Variants in BTD observed in about 807,000 individuals in gnomAD.
BTD encodes biotinidase, also known as biocytinase.
Under a neutral mutation model 17.7 loss-of-function variants are expected in BTD, and 13 were observed. The observed-to-expected ratio is 0.74, with a 90% CI of 0.48 to 1.17. BTD has a LOEUF of 1.17. Ranked by LOEUF, BTD falls within the 50% of genes most tolerant of loss-of-function variation. The pLI is 0.00. For missense variants in BTD, 674 were observed against 650.4 expected (o/e 1.04, Z -0.39); for synonymous variants, 240 against 245.2 (o/e 0.98, Z 0.20).
At chr3:15,688,611 A>T (rs2068425783) in intron 3 of BTD, among the ~76,000 whole-genome samples, 1 of 152,218 alleles carries the variant, frequency 6.6e-6, no homozygotes, top group African/African-American at 2.4e-5. Flanking sequence ...TGGGAGTAAC[A>T]GTGGGTGTTA....
chr3:15,684,043 C>T (rs1010701714), intron 3 of BTD: 3 of 152,032 alleles, frequency 2.0e-5, no homozygotes, highest in African/African-American at 7.2e-5. Context: ...TCATAATTAA[C>T]ATTAATCTTG....
At chr3:15,702,316 T>C (rs1165412208) in intron 3 of BTD, among the ~76,000 whole-genome samples, 17 of 152,150 alleles carry the variant, frequency 1.1e-4, no homozygotes. Flanking sequence ...AATCACAAAA[T>C]TGCTTGATCT....
intron 3 of BTD, chr3:15,685,163 A>G (rs1451691352): frequency 6.4e-7 from 1 of 1,565,810 alleles, no homozygotes; most frequent in African/African-American, 1.4e-5. Flanking sequence ...TGCCTTATAA[A>G]TATGTCATTC....
chr3:15,650,478 T>C lies in BTD; in HGVS notation c.*4990T>C, dbSNP rs564005611. Among the ~76,000 whole-genome samples, 19 of 152,178 alleles carry C rather than the reference T, an allele frequency of 1.2e-4. No individual in the cohort carries two copies. The highest frequency in any genetic ancestry group is 3.9e-4 in the African/African-American group (16 of 41,530). ...TATATTAACTCGTAACTGGGGAGTC[T>C]AAGAATAAATTCTCTTCAGCCATTG... On this transcript the variant is annotated 3_prime_UTR_variant, in exon 4 of 4. Transcript: ENST00000643237.
In BTD at chr3:15,601,838, C is replaced by A; in HGVS notation, c.-73C>A. 1 of 1,614,168 alleles carries A rather than the reference C, an allele frequency of 6.2e-7. No homozygotes were observed. The highest frequency in any genetic ancestry group is 1.3e-5 in the African/African-American group (1 of 75,060). On this transcript the variant is annotated 5_prime_UTR_variant, in exon 1 of 4. In the 5' UTR this introduces an upstream ATG that the reference lacks. Transcript: ENST00000643237. ...TCGGCCAGCTGGAGCGTTTTCGGGGCTGTAAAGGGAGAATGGCGCATGCGC... is the reference window on the plus strand; with the variant it reads ...TCGGCCAGCTGGAGCGTTTTCGGGGATGTAAAGGGAGAATGGCGCATGCGC...
rs980577733 is a variant in BTD at position 15,650,968 on chromosome 3, C to T, written c.*5480C>T. ...GTATTTTTATAGAGACAGGGTTTCA[C>T]CATGTTAGCCAGGATGGCCTCGATC... On this transcript the variant is annotated 3_prime_UTR_variant, in exon 4 of 4. Transcript: ENST00000643237. Among the ~76,000 whole-genome samples, 15 of 152,174 alleles carry T rather than the reference C, an allele frequency of 9.9e-5. No individual in the cohort carries two copies. Among genetic ancestry groups the T allele is most frequent in the Non-Finnish European group, 1.8e-4 (12 of 68,032 alleles).
In BTD at chr3:15,652,051, G is replaced by A. The variant is rs111650912; in HGVS notation, c.*6563G>A. On this transcript the variant is annotated 3_prime_UTR_variant, in exon 4 of 4. Coordinates refer to ENST00000643237, the MANE Select transcript of BTD (RefSeq NM_001370658.1). ...TGGGTTATAAAAGGTACTGCAGACC[G>A]GGCACGGTGGCTTACGCCTGTAATC... Among the ~76,000 whole-genome samples the A allele has an allele frequency of 3.3e-4, 50 of 152,338 alleles. 1 individual carries two copies. Among genetic ancestry groups the A allele is most frequent in the Admixed American group, 1.0e-3 (16 of 15,298 alleles).
Position 15,651,642 on chromosome 3 carries a change from C to T in BTD, c.*6154C>T, listed in dbSNP as rs1449709704. 6.6e-6 allele frequency among the ~76,000 whole-genome samples: 1 copy of T among 152,194 alleles called. No individual in the cohort carries two copies. Among genetic ancestry groups the T allele is most frequent in the African/African-American group, 2.4e-5 (1 of 41,442 alleles). ...TCCTCTCTCTTCTCCGCTCCTGACT[C>T]CTGCTGCGGCCTCCCACTGGCTGGA... On this transcript the variant is annotated 3_prime_UTR_variant, in exon 4 of 4. Transcript: ENST00000643237.
At chr3:15,680,833 A>C (rs992909978) in intron 3 of BTD, among the ~76,000 whole-genome samples, 3 of 151,940 alleles carry the variant, frequency 2.0e-5, no homozygotes, top group African/African-American at 7.3e-5. Flanking sequence ...CACCTGGCTA[A>C]TTTTTTGATA....
intron 1 of BTD, among the ~76,000 whole-genome samples, chr3:15,617,273 C>T (rs1157666644): frequency 6.6e-6 from 1 of 152,114 alleles, no homozygotes; most frequent in Admixed American, 6.5e-5. Context: ...TTCTTCTGTT[C>T]TTGATAGTTT....
rs912886531 is a variant in BTD at position 15,651,938 on chromosome 3, C to T, written c.*6450C>T. 2.6e-5 allele frequency among the ~76,000 whole-genome samples: 4 copies of T among 152,172 alleles called. No individual in the cohort carries two copies. The highest frequency in any genetic ancestry group is 7.2e-5 in the African/African-American group (3 of 41,444). Reference sequence around the variant, plus strand: ...CCAGTGCTCCCCACCTGCTGGTATCCGTTGTACAACACTTCCCACATTTTT... The same window carrying T: ...CCAGTGCTCCCCACCTGCTGGTATCTGTTGTACAACACTTCCCACATTTTT... On this transcript the variant is annotated 3_prime_UTR_variant, in exon 4 of 4. Transcript: ENST00000643237.
exon 4 of BTD, chr3:15,712,086 A>C: frequency 7.1e-7 from 1 of 1,400,348 alleles, no homozygotes. Flanking sequence ...AGACCATCTA[A>C]AAATTTTGAG....
At position 15,601,761 on chromosome 3, in the gene BTD, T is replaced by C; in HGVS notation, c.-150T>C. 6.2e-7 allele frequency: 1 copy of C among 1,605,016 alleles called. No individual in the cohort carries two copies. Among genetic ancestry groups the C allele is most frequent in the Non-Finnish European group, 8.5e-7 (1 of 1,175,438 alleles). On this transcript the variant is annotated 5_prime_UTR_variant, in exon 1 of 4. An upstream start codon of the reference 5' UTR is lost. Coordinates refer to ENST00000643237, the MANE Select transcript of BTD (RefSeq NM_001370658.1). ...GGGACTAGCAGGAGATTGCTGCCTA[T>C]GCAAAGCAGGTAAGAAGCCGAACTC...
chr3:15,663,722 TAG>T (rs1015739630), intron 3 of BTD, among the ~76,000 whole-genome samples: 4 of 152,294 alleles, frequency 2.6e-5, no homozygotes, highest in African/African-American at 9.6e-5. Context: ...TTAGCTTGGC[TAG>T]AGTTTTACTG....
chr3:15,667,190 A>T (rs1559292829), intron 3 of BTD: 2 of 152,258 alleles, frequency 1.3e-5, no homozygotes, highest in Non-Finnish European at 2.9e-5. Context: ...AATGCTAGAC[A>T]GTTTAAGGGA....
chr3:15,624,805 T>G lies in BTD; in HGVS notation c.-16-10619T>G, dbSNP rs189891039. On this transcript the variant is annotated intron_variant, in intron 1 of 3. Coordinates refer to ENST00000643237, the MANE Select transcript of BTD (RefSeq NM_001370658.1). ...TGGAGTGCAGTGGTGTGATAACAGC[T>G]CACTGCAACCTCCGCCTCCTGGGTT... Among the ~76,000 whole-genome samples, 1,079 of 152,352 alleles carry G rather than the reference T, an allele frequency of 7.1e-3. 5 individuals are homozygous for G. The highest frequency in any genetic ancestry group is 0.012 in the Non-Finnish European group (823 of 68,030).
intron 3 of BTD, among the ~76,000 whole-genome samples, chr3:15,706,042 A>G (rs1035744211): frequency 1.0e-5 from 1 of 97,006 alleles, no homozygotes; most frequent in Non-Finnish European, 2.3e-5. Context: ...ACCCACAAAA[A>G]CAAACAAAAA....
chr3:15,619,497 C>T (rs62240760), intron 1 of BTD, among the ~76,000 whole-genome samples: 1 of 152,142 alleles, frequency 6.6e-6, no homozygotes, highest in Non-Finnish European at 1.5e-5. Flanking sequence ...ACCTTTCATA[C>T]CTGAGATAAA....
intron 3 of BTD, chr3:15,695,286 G>C: frequency 8.6e-7 from 1 of 1,162,398 alleles, no homozygotes; most frequent in South Asian, 1.4e-5. Context: ...AACTTATATA[G>C]AGCTTTGCTA....
Sources: gnomAD v4.1 joint callset for allele counts (sites outside exome capture counted in the v4.1 genomes callset) on GRCh38, gnomAD v4.1.1 for gene constraint, MANE v1.5 for transcripts, NCBI Gene and HGNC (gene_info 2026-07-23, HGNC 2026-07-21) for gene names.